Variants in EFR3A observed in about 807,000 individuals in gnomAD.
EFR3A encodes EFR3 homolog A.
Under a neutral mutation model 104.4 loss-of-function variants are expected in EFR3A, and 76 were observed. That is an observed-to-expected ratio of 0.73 (90% confidence interval 0.60 to 0.88). The LOEUF is 0.88. EFR3A is among the 40% of genes least tolerant of loss of function. EFR3A has a pLI of 0.00. For synonymous variants in EFR3A, 330 were observed against 330.0 expected, an observed-to-expected ratio of 1.00 and a Z score of 0.00; for missense variants, 985 against 1,012.5, an observed-to-expected ratio of 0.97 and a Z score of 0.37.
At chr8:132,003,073 T>C (rs1303400285) in intron 21 of EFR3A, among the ~76,000 whole-genome samples, 163 bp from the exon 22 acceptor site, 2 of 152,236 alleles carry the variant, frequency 1.3e-5, no homozygotes, top group African/African-American at 4.8e-5. Flanking sequence ...CATTAAATTC[T>C]AATAGATAAG....
intron 10 of EFR3A, among the ~76,000 whole-genome samples, chr8:131,972,091 T>G (rs1820083877): frequency 6.6e-6 from 1 of 152,128 alleles, no homozygotes; most frequent in Non-Finnish European, 1.5e-5. Flanking sequence ...TTTTCTACCT[T>G]TCTATGTATG....
intron 1 of EFR3A, among the ~76,000 whole-genome samples, chr8:131,929,949 A>G (rs1383990604): frequency 6.6e-6 from 1 of 152,060 alleles, no homozygotes; most frequent in East Asian, 1.9e-4. Flanking sequence ...TCCAAATCTA[A>G]ACTTTCCAAT....
chr8:131,941,514 TG>T (rs1247098452), intron 2 of EFR3A, among the ~76,000 whole-genome samples: 1 of 152,162 alleles, frequency 6.6e-6, no homozygotes, highest in Non-Finnish European at 1.5e-5. Flanking sequence ...TAAATATTAT[TG>T]GCTGCCAGAT....
intron 1 of EFR3A, chr8:131,935,540 A>G (rs1486284701): frequency 4.5e-6 from 2 of 442,498 alleles, no homozygotes; most frequent in South Asian, 1.6e-5. Context: ...TATGTCAGTC[A>G]ATTTCTATTA....
At chr8:131,974,480 T>G (rs1820224058) in intron 10 of EFR3A, among the ~76,000 whole-genome samples, 1 of 152,150 alleles carries the variant, frequency 6.6e-6, no homozygotes, top group African/African-American at 2.4e-5. Flanking sequence ...TGTATCTAGT[T>G]GTATGGAAGA....
chr8:131,931,933 G>A (rs1268717035), intron 1 of EFR3A, among the ~76,000 whole-genome samples: 2 of 151,874 alleles, frequency 1.3e-5, no homozygotes, highest in Non-Finnish European at 2.9e-5. Context: ...GATTATCCTG[G>A]CTCCTGGTTT....
At chr8:131,929,381 A>T (rs893175055) in intron 1 of EFR3A, among the ~76,000 whole-genome samples, 2 of 152,102 alleles carry the variant, frequency 1.3e-5, no homozygotes, top group Admixed American at 6.6e-5. Context: ...CATTGTTTAA[A>T]CCTCTTAAGA....
intron 3 of EFR3A, 52 bp from the exon 4 acceptor site, chr8:131,946,431 G>T: frequency 1.4e-6 from 2 of 1,434,734 alleles, no homozygotes; most frequent in Non-Finnish European, 1.8e-6. Context: ...AAGCACTTAG[G>T]AGAATTAAGA....
intron 12 of EFR3A, 68 bp downstream of exon 12, chr8:131,977,160 T>A: frequency 9.0e-7 from 1 of 1,114,956 alleles, no homozygotes; most frequent in Non-Finnish European, 1.3e-6. Flanking sequence ...ATTGAATAGC[T>A]TCATGTTACA....
intron 18 of EFR3A, among the ~76,000 whole-genome samples, chr8:131,991,298 T>G (rs1053764861): frequency 6.6e-6 from 1 of 152,140 alleles, no homozygotes; most frequent in African/African-American, 2.4e-5. Context: ...CAGGTGGGAA[T>G]TCTTCAGATG....
chr8:131,952,687 C>T (rs1818769365), intron 5 of EFR3A, among the ~76,000 whole-genome samples: 1 of 152,112 alleles, frequency 6.6e-6, no homozygotes, highest in Admixed American at 6.6e-5. Flanking sequence ...TTTTAAAAAG[C>T]AGCATGTATA....
intron 17 of EFR3A, among the ~76,000 whole-genome samples, chr8:131,986,789 CAAAAAAAAA>C (rs10569128): frequency 7.4e-5 from 5 of 67,986 alleles, no homozygotes; most frequent in Admixed American, 4.7e-4. Flanking sequence ...GACTCCATCT[CAAAAAAAAA>C]AAAAAAAAAA....
At chr8:131,992,895 T>C (rs1421151442) in intron 18 of EFR3A, among the ~76,000 whole-genome samples, 1 of 152,152 alleles carries the variant, frequency 6.6e-6, no homozygotes, top group Non-Finnish European at 1.5e-5. Context: ...TGGGAAGTTA[T>C]GTGGTTAGTG....
In EFR3A at chr8:132,002,625, G is replaced by T; in HGVS notation, c.2229G>T (p.Gln743His). ...KAIDTSGMEE[Q>H]EKEKRRLVIE... Reference sequence around the variant, plus strand: ...TAGATACCAGTGGAATGGAAGAACAGGAAAAGGAAAAGAGGCGTCTTGTGA... The same window carrying T: ...TAGATACCAGTGGAATGGAAGAACATGAAAAGGAAAAGAGGCGTCTTGTGA... Residue 743 changes from glutamine (Q) to histidine (H), a missense_variant, in exon 21 of 23, where the codon CAG becomes CAT. By Grantham distance (24) the Gln-to-His change is conservative (BLOSUM62 0). Coordinates refer to ENST00000254624, the MANE Select transcript of EFR3A (RefSeq NM_015137.6). The T allele has an allele frequency of 6.2e-7, 1 of 1,613,592 alleles. No homozygotes were observed. Among genetic ancestry groups the T allele is most frequent in the Non-Finnish European group, 8.5e-7 (1 of 1,179,632 alleles).
Position 131,940,481 on chromosome 8 carries a change from T to TA in EFR3A, c.11-18_11-17insA. 1.5e-6 allele frequency: 1 copy of TA among 682,216 alleles called. No homozygotes were observed. Among genetic ancestry groups the TA allele is most frequent in the Non-Finnish European group, 2.0e-6 (1 of 512,268 alleles). 42.3% of individuals were successfully genotyped at this position (682,216 alleles called of 1,614,324 possible). On this transcript the variant is annotated splice_polypyrimidine_tract_variant and intron_variant, in intron 1 of 22. Coordinates refer to ENST00000254624, the MANE Select transcript of EFR3A (RefSeq NM_015137.6). ...TATTAATAATATCTGTATTTCTTGA[T>TA]TTTTTTTTTTTTAACAGGAGTATGC... is the stretch of plus-strand genomic sequence containing the variant.
chr8:131,913,262 A>C (rs1418728762), intron 1 of EFR3A, among the ~76,000 whole-genome samples: 1 of 151,292 alleles, frequency 6.6e-6, no homozygotes, highest in Non-Finnish European at 1.5e-5. Context: ...TTCTCTCATC[A>C]TGTGTATTTG....
chr8:132,003,381 A>T, intron 22 of EFR3A, 96 bp downstream of exon 22: 1 of 1,091,056 alleles, frequency 9.2e-7, no homozygotes, highest in Non-Finnish European at 1.4e-6. Context: ...TTAAGTTATC[A>T]TGTTAAAGTA....
intron 1 of EFR3A, among the ~76,000 whole-genome samples, chr8:131,905,848 C>T (rs1250912859): frequency 6.6e-6 from 1 of 152,174 alleles, no homozygotes; most frequent in Non-Finnish European, 1.5e-5. Flanking sequence ...GGTAACATGC[C>T]AGAATTATCC....
intron 1 of EFR3A, among the ~76,000 whole-genome samples, chr8:131,917,238 C>T (rs1263314788): frequency 2.0e-5 from 3 of 152,252 alleles, no homozygotes; most frequent in Non-Finnish European, 1.5e-5. Flanking sequence ...GACGAGCTGT[C>T]ACCTGAGAGT....
Sources: allele counts gnomAD v4.1 joint callset (sites outside exome capture counted in the v4.1 genomes callset), GRCh38; gene constraint gnomAD v4.1.1; transcripts MANE v1.5; gene names NCBI Gene and HGNC (gene_info 2026-07-23, HGNC 2026-07-21).